The following IL1RAPL2 variants were observed in gnomAD, a reference collection of about 807,000 sequenced individuals.
IL1RAPL2 encodes the protein interleukin 1 receptor accessory protein like 2.
A neutral mutation model predicts 44.1 loss-of-function variants in IL1RAPL2; 3 were observed. The observed-to-expected ratio is 0.07, with a 90% CI of 0.03 to 0.18. IL1RAPL2 has a LOEUF of 0.18. Ranked by LOEUF, IL1RAPL2 falls within the 10% of genes least tolerant of loss-of-function variation. The pLI is 1.00. For synonymous variants in IL1RAPL2, 181 were observed against 178.8 expected, an observed-to-expected ratio of 1.01 and a Z score of -0.10; for missense variants, 391 against 496.4, an observed-to-expected ratio of 0.79 and a Z score of 2.02.
intron 6 of IL1RAPL2, among the ~76,000 whole-genome samples, chrX:105,506,817 T>C (rs1051009756): frequency 8.9e-6 from 1 of 111,894 alleles, no homozygotes; most frequent in African/African-American, 3.2e-5. Context: ...ACATTGTTTT[T>C]CACATGAGAA....
chrX:105,732,809 T>C (rs2038416919), intron 7 of IL1RAPL2, among the ~76,000 whole-genome samples: 1 of 111,811 alleles, frequency 8.9e-6, no homozygotes, highest in African/African-American at 3.2e-5. Context: ...GTATTTCCAA[T>C]TCCACCATTT....
intron 5 of IL1RAPL2, among the ~76,000 whole-genome samples, chrX:105,449,683 G>A (rs779654887): frequency 1.2e-4 from 13 of 109,829 alleles, no homozygotes; most frequent in Non-Finnish European, 2.3e-4. Context: ...AGAGTCAGAG[G>A]TTGCAGTGAG....
chrX:104,824,729 G>T (rs1250643874), intron 2 of IL1RAPL2, among the ~76,000 whole-genome samples: 1 of 111,545 alleles, frequency 9.0e-6, no homozygotes, highest in Admixed American at 9.5e-5. Flanking sequence ...AATCAGTGGT[G>T]ATCTCCCCTT....
At chrX:105,103,146 CTT>C (rs201065465) in intron 2 of IL1RAPL2, among the ~76,000 whole-genome samples, 1,776 of 112,006 alleles carry the variant, frequency 0.016, 38 homozygotes, top group African/African-American at 0.055. Context: ...AATTAATACT[CTT>C]TAAGTTCTCT....
chrX:105,432,129 C>CTTTTTTTTTTTT (rs386417369), intron 5 of IL1RAPL2, among the ~76,000 whole-genome samples: 81 of 44,805 alleles, frequency 1.8e-3, no homozygotes, highest in Admixed American at 3.6e-3. Flanking sequence ...TTCAATTTGC[C>CTTTTTTTTTTTT]TTTTTTTTTT....
intron 2 of IL1RAPL2, among the ~76,000 whole-genome samples, chrX:104,730,671 C>T (rs1457250658): frequency 9.5e-5 from 10 of 105,661 alleles, no homozygotes; most frequent in East Asian, 3.1e-4. Flanking sequence ...TGAATAGTGT[C>T]GCAATAAACA....
chrX:105,494,402 GTAAA>G (rs749289364), intron 6 of IL1RAPL2, among the ~76,000 whole-genome samples: 15 of 111,919 alleles, frequency 1.3e-4, no homozygotes, highest in Non-Finnish European at 2.3e-4. Flanking sequence ...ATAATTTTAT[GTAAA>G]TAAAGGCAGA....
At chrX:104,935,392 T>C (rs975940034) in intron 2 of IL1RAPL2, among the ~76,000 whole-genome samples, 3 of 112,093 alleles carry the variant, frequency 2.7e-5, no homozygotes, top group Non-Finnish European at 5.6e-5. Context: ...AGTCATTTCA[T>C]TAAGACTTGG....
At chrX:105,428,388 C>A (rs1337823521) in intron 5 of IL1RAPL2, among the ~76,000 whole-genome samples, 1 of 111,440 alleles carries the variant, frequency 9.0e-6, no homozygotes, top group Non-Finnish European at 1.9e-5. Flanking sequence ...CTTTATACTT[C>A]GTCCAAATGA....
chrX:105,571,797 G>C lies in IL1RAPL2; in HGVS notation c.772+87410G>C, dbSNP rs181519390. The stretch of plus-strand genomic sequence containing the variant: ...TGTACATGAGAGCATTGAGAGATAA[G>C]AGCATTGATGATAAAACATGTCTAC... On this transcript the variant is annotated intron_variant, in intron 6 of 10. Transcript: ENST00000372582. Among the ~76,000 whole-genome samples, 34 of 111,331 alleles carry C rather than the reference G, an allele frequency of 3.1e-4. No individual in the cohort carries two copies. In the South Asian group the frequency reaches 4.9e-3, roughly 16 times the overall value.
intron 2 of IL1RAPL2, among the ~76,000 whole-genome samples, chrX:104,881,614 C>T (rs1161185349): frequency 2.7e-5 from 3 of 112,134 alleles, no homozygotes; most frequent in Admixed American, 9.5e-5. Context: ...TAAATAGACG[C>T]TGGGAAAAGT....
intron 5 of IL1RAPL2, among the ~76,000 whole-genome samples, chrX:105,436,419 A>T (rs1056633122): frequency 1.8e-5 from 2 of 112,084 alleles, no homozygotes; most frequent in Non-Finnish European, 3.8e-5. Context: ...CCTGACAGTT[A>T]AAATTGGTTC....
At chrX:105,070,267 G>C (rs1302103999) in intron 2 of IL1RAPL2, among the ~76,000 whole-genome samples, 1 of 111,692 alleles carries the variant, frequency 9.0e-6, no homozygotes, top group Non-Finnish European at 1.9e-5. Context: ...ATTCCACTAG[G>C]AAGGGCACCT....
At chrX:105,303,927 CCAGATTCAGAAGACATCTTT>C (rs1472810836) in intron 5 of IL1RAPL2, among the ~76,000 whole-genome samples, 2 of 112,631 alleles carry the variant, frequency 1.8e-5, no homozygotes, top group Non-Finnish European at 3.8e-5. Context: ...GAAGTACTCA[CCAGATTCAGAAGACATCTTT>C]CAGATTCAGA....
chrX:105,048,012 A>T (rs1374679929), intron 2 of IL1RAPL2, among the ~76,000 whole-genome samples: 1 of 111,611 alleles, frequency 9.0e-6, no homozygotes, highest in Non-Finnish European at 1.9e-5. Flanking sequence ...TTTAGAAACG[A>T]CTTCCCAGAC....
chrX:105,041,634 G>A lies in IL1RAPL2; in HGVS notation c.83-153841G>A, dbSNP rs1235210147. Among the ~76,000 whole-genome samples the A allele has an allele frequency of 8.2e-5, 9 of 109,520 alleles. No individual in the cohort carries two copies. In the East Asian group the frequency reaches 1.1e-3, roughly 14 times the overall value. On this transcript the variant is annotated intron_variant, in intron 2 of 10. Coordinates refer to ENST00000372582, the MANE Select transcript of IL1RAPL2 (RefSeq NM_017416.2). The stretch of plus-strand genomic sequence containing the variant: ...CATGGCTAGGAAGAATCAATATCGT[G>A]AAAATGGCCATACTGCCCAAGGTAA...
intron 2 of IL1RAPL2, among the ~76,000 whole-genome samples, chrX:105,162,873 T>C (rs1724263067): frequency 9.0e-6 from 1 of 111,731 alleles, no homozygotes; most frequent in African/African-American, 3.3e-5. Context: ...TCTAGTTGTG[T>C]CCTCATGTGG....
chrX:104,797,193 C>T (rs1241964874), intron 2 of IL1RAPL2, among the ~76,000 whole-genome samples: 3 of 34,419 alleles, frequency 8.7e-5, no homozygotes, highest in African/African-American at 2.0e-4. Context: ...CAGCCCCCCC[C>T]CCCCCCCCGC....
At chrX:104,640,981 G>A (rs757510817) in intron 1 of IL1RAPL2, among the ~76,000 whole-genome samples, 2 of 112,302 alleles carry the variant, frequency 1.8e-5, no homozygotes, top group East Asian at 5.7e-4. Context: ...GGGCCTTCAG[G>A]TGGCTTGCTC....
Sources: gnomAD v4.1 joint callset for allele counts (sites outside exome capture counted in the v4.1 genomes callset) on GRCh38, gnomAD v4.1.1 for gene constraint, MANE v1.5 for transcripts, NCBI Gene and HGNC (gene_info 2026-07-23, HGNC 2026-07-21) for gene names.